Variants in ATP5F1D observed in about 807,000 individuals in gnomAD.
The protein encoded by ATP5F1D is ATP synthase F1 subunit delta, also known as ATP synthase F(1) complex subunit delta, mitochondrial.
A neutral mutation model predicts 13.0 loss-of-function variants in ATP5F1D; 16 were observed. That is an observed-to-expected ratio of 1.23 (90% CI 0.83 to 1.87). ATP5F1D has a LOEUF of 1.87. ATP5F1D is among the 40% of genes most tolerant of loss of function. The probability of loss-of-function intolerance (pLI) is 0.00; values close to 1 mark genes in which losing one functional copy is unlikely to be tolerated. For missense variants in ATP5F1D, 294 were observed against 246.2 expected, an observed-to-expected ratio of 1.19 and a Z score of -1.30; for synonymous variants, 129 against 116.2, an observed-to-expected ratio of 1.11 and a Z score of -0.71.
intron 1 of ATP5F1D, 91 bp downstream of exon 1, chr19:1,242,082 C>T (rs1424247890): frequency 7.9e-7 from 1 of 1,262,278 alleles, no homozygotes; most frequent in Non-Finnish European, 1.0e-6. Context: ...CTTCCGGGCC[C>T]CCGGACCCGC....
rs1435856271 is a variant in ATP5F1D at position 1,244,427 on chromosome 19, C to G, written c.497C>G (p.Ala166Gly). 5.8e-6 allele frequency: 9 copies of G among 1,557,672 alleles called. No homozygotes were observed. Among genetic ancestry groups the G allele is most frequent in the Non-Finnish European group, 7.8e-6 (9 of 1,150,788 alleles). ...RIEANEALVKALE is the reference protein window; with the variant it reads ...RIEANEALVKGLE The stretch of plus-strand genomic sequence containing the variant: ...GAGGCCAACGAGGCCCTGGTGAAGG[C>G]CCTGGAGTAGGCGGTGCGTACCCGG... Residue 166 changes from alanine to glycine, a missense_variant, in exon 4 of 4, where the codon GCC becomes GGC. Ala to Gly is a moderately conservative substitution (Grantham distance 60). Transcript: ENST00000215375.
At chr19:1,242,740 A>G in intron 2 of ATP5F1D, 131 bp downstream of exon 2, 1 of 1,223,742 alleles carries the variant, frequency 8.2e-7, no homozygotes, top group Non-Finnish European at 1.1e-6. Context: ...CTGTAATCCC[A>G]GCACTTTGGG....
chr19:1,242,264 C>T lies in ATP5F1D; in HGVS notation c.142-192C>T, dbSNP rs1039448213. The T allele has an allele frequency of 5.1e-6, 4 of 787,236 alleles. No individual in the cohort carries two copies. In the African/African-American group the frequency reaches 5.4e-5, roughly 11 times the overall value. The allele number at this position is 787,236 out of a possible 1,614,324, so 48.8% of individuals were successfully genotyped here. A position where few individuals can be genotyped will look rare whatever the true frequency, so the allele number is the denominator to read the frequency against. On this transcript the variant is annotated intron_variant, in intron 1 of 3. Coordinates refer to ENST00000215375, the MANE Select transcript of ATP5F1D (RefSeq NM_001687.5). ...TCGCCGGATCGTTGCATTCCCATTT[C>T]GCGGATCAGTAGAATGAGGCGCAAC...
intron 1 of ATP5F1D, 131 bp from the exon 2 acceptor site, chr19:1,242,325 G>A: frequency 2.6e-6 from 3 of 1,161,756 alleles, no homozygotes; most frequent in East Asian, 3.1e-5. Context: ...GGATCCCTGC[G>A]CTGGGTTGTC....
rs1322447056 is a variant in ATP5F1D at position 1,244,414 on chromosome 19, G to T, written c.484G>T (p.Ala162Ser). Residue 162 changes from alanine to serine, a missense_variant, in exon 4 of 4, where the codon GCC becomes TCC. Coordinates refer to ENST00000215375, the MANE Select transcript of ATP5F1D (RefSeq NM_001687.5). ...EIQIRIEANE[A>S]LVKALE ...CCAGATCCGAATCGAGGCCAACGAG[G>T]CCCTGGTGAAGGCCCTGGAGTAGGC... is the stretch of plus-strand genomic sequence containing the variant. 1.3e-6 allele frequency: 2 copies of T among 1,561,632 alleles called. No homozygotes were observed. Among genetic ancestry groups the T allele is most frequent in the Non-Finnish European group, 1.7e-6 (2 of 1,152,824 alleles).
At chr19:1,242,290 T>C (rs1207453946) in intron 1 of ATP5F1D, 166 bp from the exon 2 acceptor site, 1 of 890,172 alleles carries the variant, frequency 1.1e-6, no homozygotes, top group Non-Finnish European at 1.5e-6. Flanking sequence ...GAGGCGCAAC[T>C]GTTGAGGACC....
At chr19:1,243,637 C>G (rs2081048226) in intron 2 of ATP5F1D, among the ~76,000 whole-genome samples, 1 of 152,116 alleles carries the variant, frequency 6.6e-6, no homozygotes, top group South Asian at 2.1e-4. Context: ...GCCTGAGCAA[C>G]AAGAGTGAGA....
rs908135377 is a variant in ATP5F1D at position 1,244,774 on chromosome 19, C to G, written c.*337C>G. On this transcript the variant is annotated 3_prime_UTR_variant, in exon 4 of 4. Transcript: ENST00000215375. ...AGGTTGACCTCAGCTTCGGAGCCAC[C>G]TCTGGATGAACTGCCCCCAGCCCCC... 3.3e-6 allele frequency: 1 copy of G among 301,576 alleles called. No individual in the cohort carries two copies. Among genetic ancestry groups the G allele is most frequent in the Non-Finnish European group, 6.3e-6 (1 of 159,226 alleles). 18.7% of individuals were successfully genotyped at this position (301,576 alleles called of 1,614,324 possible).
At chr19:1,242,754 C>T in intron 2 of ATP5F1D, 145 bp downstream of exon 2, 1 of 1,072,766 alleles carries the variant, frequency 9.3e-7, no homozygotes, top group Non-Finnish European at 1.2e-6. Flanking sequence ...CTTTGGGAGG[C>T]CGAGGCAGGT....
intron 1 of ATP5F1D, 71 bp from the exon 2 acceptor site, chr19:1,242,385 G>A (rs979666583): frequency 3.5e-5 from 51 of 1,437,408 alleles, no homozygotes; most frequent in African/African-American, 2.0e-4. Context: ...TTACTTAGCA[G>A]GACAGGCCGA....
At chr19:1,242,017 T>G in intron 1 of ATP5F1D, 26 bp downstream of exon 1, 2 of 1,378,538 alleles carry the variant, frequency 1.5e-6, no homozygotes, top group Non-Finnish European at 1.9e-6. Flanking sequence ...GTCGGGACCC[T>G]CCGTGGCCGC....
In ATP5F1D at chr19:1,244,548, G is replaced by C. The variant is rs957577698; in HGVS notation, c.*111G>C. The C allele has an allele frequency of 4.8e-6, 7 of 1,447,704 alleles. No homozygotes were observed. In the African/African-American group the frequency reaches 1.0e-4, roughly 21 times the overall value. 89.7% of individuals were successfully genotyped at this position (1,447,704 alleles called of 1,614,324 possible). The stretch of plus-strand genomic sequence containing the variant: ...ACCTGGGGAAGCCGCGCCTGCCAAG[G>C]AGGCCACCAGAGGGCAGTGCAGGCT... On this transcript the variant is annotated 3_prime_UTR_variant, in exon 4 of 4. Coordinates refer to ENST00000215375, the MANE Select transcript of ATP5F1D (RefSeq NM_001687.5).
Position 1,241,768 on chromosome 19 carries a change from G to GTCC in ATP5F1D, c.-77_-75dup. The GTCC allele has an allele frequency of 8.0e-7, 1 of 1,251,108 alleles. No individual in the cohort carries two copies. Among genetic ancestry groups the GTCC allele is most frequent in the Non-Finnish European group, 1.0e-6 (1 of 997,368 alleles). 77.5% of individuals were successfully genotyped at this position (1,251,108 alleles called of 1,614,324 possible). ...CTCCTCCCAGACGTCCCTGCGCGTC[G>GTCC]TCCTCCTCGCCCTCCAGGCCGCCCG... On this transcript the variant is annotated 5_prime_UTR_variant, in exon 1 of 4. Coordinates refer to ENST00000215375, the MANE Select transcript of ATP5F1D (RefSeq NM_001687.5).
At chr19:1,244,238 G>C (rs912154889) in intron 3 of ATP5F1D, 53 bp downstream of exon 3, 1 of 1,585,460 alleles carries the variant, frequency 6.3e-7, no homozygotes, top group East Asian at 2.3e-5. Flanking sequence ...TCCAGGCTGC[G>C]GGGGAGGGAG....
chr19:1,244,593 C>T lies in ATP5F1D; in HGVS notation c.*156C>T, dbSNP rs755565492. 1.1e-4 allele frequency: 139 copies of T among 1,224,370 alleles called. No homozygotes were observed. Among genetic ancestry groups the T allele is most frequent in the Non-Finnish European group, 1.5e-4 (132 of 895,950 alleles). The allele number at this position is 1,224,370 out of a possible 1,614,324, so 75.8% of individuals were successfully genotyped here. ...CAGGCTTCTGCCTGGGCCCCAGGCC[C>T]TGCCTGTGTTGAAAGCTCTGGGGAC... On this transcript the variant is annotated 3_prime_UTR_variant, in exon 4 of 4. Coordinates refer to ENST00000215375, the MANE Select transcript of ATP5F1D (RefSeq NM_001687.5).
rs867974101 is a variant in ATP5F1D at position 1,242,461 on chromosome 19, C to T, written c.147C>T (p.Phe49=). Residue 49 remains phenylalanine, a synonymous_variant, in exon 2 of 4, where the codon TTC becomes TTT. Transcript: ENST00000215375. ...CCCCACGCTGTTGTCTGCAGGTGTT[C>T]TTCAACGGTGCCAACGTCCGGCAGG... The part of the protein sequence containing the change: ...SFTFASPTQV[F]FNGANVRQVD... 15 of 1,525,314 alleles carry T rather than the reference C, an allele frequency of 9.8e-6. No individual in the cohort carries two copies. Among genetic ancestry groups the T allele is most frequent in the African/African-American group, 1.4e-5 (1 of 72,706 alleles). The allele number at this position is 1,525,314 out of a possible 1,614,324, so 94.5% of individuals were successfully genotyped here.
chr19:1,244,329 C>T lies in ATP5F1D; in HGVS notation c.399C>T (p.Asn133=). 6.3e-7 allele frequency: 1 copy of T among 1,593,722 alleles called. No individual in the cohort carries two copies. The highest frequency in any genetic ancestry group is 8.5e-7 in the Non-Finnish European group (1 of 1,170,638). The change falls in exon 4 of 4, where the codon AAC becomes AAT. Residue 133 remains asparagine (N), a synonymous_variant. Coordinates refer to ENST00000215375, the MANE Select transcript of ATP5F1D (RefSeq NM_001687.5). Reference sequence around the variant, plus strand: ...ACCCCTTGCAGGCAGCCAAGGCAAACTTGGAGAAGGCCCAGGCGGAGCTGG... The same window carrying T: ...ACCCCTTGCAGGCAGCCAAGGCAAATTTGGAGAAGGCCCAGGCGGAGCTGG... ...DMLDLGAAKA[N]LEKAQAELVG...
chr19:1,242,836 C>G (rs936447602), intron 2 of ATP5F1D: 2 of 418,878 alleles, frequency 4.8e-6, no homozygotes, highest in Admixed American at 4.8e-5. Flanking sequence ...TCTAAAAATA[C>G]AGAAAACTGG....
In ATP5F1D at chr19:1,244,609, C is replaced by A; in HGVS notation, c.*172C>A. On this transcript the variant is annotated 3_prime_UTR_variant, in exon 4 of 4. Coordinates refer to ENST00000215375, the MANE Select transcript of ATP5F1D (RefSeq NM_001687.5). ...CCCCAGGCCCTGCCTGTGTTGAAAG[C>A]TCTGGGGACTGGGCCAGGGAAGCTC... 1 of 1,070,798 alleles carries A rather than the reference C, an allele frequency of 9.3e-7. No homozygotes were observed. The highest frequency in any genetic ancestry group is 1.3e-6 in the Non-Finnish European group (1 of 758,300). The allele number at this position is 1,070,798 out of a possible 1,614,324, so 66.3% of individuals were successfully genotyped here.
Sources: gnomAD v4.1 joint callset for allele counts (sites outside exome capture counted in the v4.1 genomes callset) on GRCh38, gnomAD v4.1.1 for gene constraint, MANE v1.5 for transcripts, NCBI Gene and HGNC (gene_info 2026-07-23, HGNC 2026-07-21) for gene names.